UIMC1: variants seen among roughly 807,000 people sequenced by gnomAD.
UIMC1 encodes BRCA1-A complex subunit RAP80.
In UIMC1, 42 loss-of-function variants were observed where a neutral mutation model predicts 84.9. The ratio of observed to expected loss-of-function variants is 0.49; its 90% CI spans 0.39 to 0.64. UIMC1 has a LOEUF of 0.64. UIMC1 is among the 30% of genes least tolerant of loss of function. UIMC1 has a pLI of 0.00. For missense variants in UIMC1, 825 were observed against 847.6 expected, an observed-to-expected ratio of 0.97 and a Z score of 0.33; for synonymous variants, 281 against 293.0, an observed-to-expected ratio of 0.96 and a Z score of 0.42.
chr5:177,007,808 T>C (rs1317508942), upstream of UIMC1, among the ~76,000 whole-genome samples: 2 of 151,832 alleles, frequency 1.3e-5, no homozygotes, highest in African/African-American at 4.8e-5. Context: ...TGATTTCTAT[T>C]AAAAAGAAAG....
intron 1 of UIMC1, among the ~76,000 whole-genome samples, chr5:177,012,273 T>C (rs2149553982): frequency 6.6e-6 from 1 of 152,306 alleles, no homozygotes; most frequent in Admixed American, 6.5e-5. Flanking sequence ...AATCTGTATA[T>C]TTAACACATT....
intron 1 of UIMC1, among the ~76,000 whole-genome samples, chr5:177,011,925 C>A (rs986446638): frequency 6.6e-6 from 1 of 152,016 alleles, no homozygotes; most frequent in Admixed American, 6.6e-5. Flanking sequence ...CTCAGCCTCC[C>A]GAGTAGCTAG....
chr5:176,987,255 TA>T (rs1271646716), intron 1 of UIMC1, among the ~76,000 whole-genome samples: 1 of 152,072 alleles, frequency 6.6e-6, no homozygotes, highest in Non-Finnish European at 1.5e-5. Context: ...TCATCAAGGT[TA>T]TCTTGCCTTG....
chr5:176,929,512 A>C (rs1416322788), intron 10 of UIMC1, among the ~76,000 whole-genome samples: 1 of 152,098 alleles, frequency 6.6e-6, no homozygotes, highest in African/African-American at 2.4e-5. Flanking sequence ...GGTTGCAGTG[A>C]GCCGAAATCG....
chr5:176,991,095 C>A (rs931858838), intron 1 of UIMC1, among the ~76,000 whole-genome samples: 1 of 152,058 alleles, frequency 6.6e-6, no homozygotes, highest in Non-Finnish European at 1.5e-5. Flanking sequence ...GCAAGCTCTG[C>A]CTCCCAGGTT....
At chr5:176,972,212 A>C (rs1490121065) in intron 3 of UIMC1, among the ~76,000 whole-genome samples, 1 of 149,880 alleles carries the variant, frequency 6.7e-6, no homozygotes, top group Non-Finnish European at 1.5e-5. Flanking sequence ...CATCCTGGCT[A>C]ACACGGTGAA....
intron 1 of UIMC1, among the ~76,000 whole-genome samples, chr5:177,018,608 A>G (rs1197025139): frequency 6.6e-6 from 1 of 152,200 alleles, no homozygotes; most frequent in East Asian, 1.9e-4. Flanking sequence ...CAAGGAGGAA[A>G]TAAAAAGCCA....
intron 4 of UIMC1, 100 bp from the exon 5 acceptor site, chr5:176,969,806 C>T: frequency 1.1e-6 from 1 of 902,724 alleles, no homozygotes. Flanking sequence ...GTTCATAAGA[C>T]TTTCTCTTTC....
At chr5:176,970,216 G>A (rs752391821) in intron 4 of UIMC1, 1 of 165,934 alleles carries the variant, frequency 6.0e-6, no homozygotes, top group East Asian at 1.7e-4. Flanking sequence ...AGTTTGCAGT[G>A]AGCCAAGATT....
At chr5:176,915,644 T>TG (rs1760875492) in intron 10 of UIMC1, among the ~76,000 whole-genome samples, 1 of 151,328 alleles carries the variant, frequency 6.6e-6, no homozygotes. Context: ...TTAGTAGAGA[T>TG]GGGGTTTCAC....
Position 176,968,985 on chromosome 5 carries a change from C to T in UIMC1, c.770G>A (p.Cys257Tyr), listed in dbSNP as rs1561846721. 6.2e-7 allele frequency: 1 copy of T among 1,614,226 alleles called. No individual in the cohort carries two copies. Reference sequence around the variant, plus strand: ...TTTGGCATCTGCTAGGGTAGGTAGACAGTGCCTAGATGTGTCCCCGCTACC... The same window carrying T: ...TTTGGCATCTGCTAGGGTAGGTAGATAGTGCCTAGATGTGTCCCCGCTACC... ...VQGSGDTSRH[C>Y]LPTLADAKGL... Residue 257 changes from cysteine to tyrosine, a missense_variant, in exon 6 of 15, where the codon TGT (cysteine) becomes TAT (tyrosine). Physicochemically the swap from Cys to Tyr is radical, Grantham distance 194. Coordinates refer to ENST00000511320, the MANE Select transcript of UIMC1 (RefSeq NM_001199298.2).
intron 10 of UIMC1, among the ~76,000 whole-genome samples, chr5:176,932,429 T>C (rs529924816): frequency 1.1e-4 from 16 of 152,128 alleles, no homozygotes; most frequent in Non-Finnish European, 1.9e-4. Context: ...TGAATATAAA[T>C]AATTTCAAAC....
At chr5:176,961,926 C>CG (rs1490263252) in intron 6 of UIMC1, among the ~76,000 whole-genome samples, 1 of 60,112 alleles carries the variant, frequency 1.7e-5, no homozygotes, top group Non-Finnish European at 3.4e-5. Flanking sequence ...CCAGCCGCCC[C>CG]GTCCGGGAGG....
chr5:176,975,100 C>A (rs11956233), intron 3 of UIMC1, among the ~76,000 whole-genome samples: 1 of 151,842 alleles, frequency 6.6e-6, no homozygotes, highest in Non-Finnish European at 1.5e-5. Context: ...TCATACCATA[C>A]CCCTACACTT....
intron 3 of UIMC1, among the ~76,000 whole-genome samples, chr5:176,973,838 G>C (rs920003457): frequency 6.6e-6 from 1 of 152,104 alleles, no homozygotes; most frequent in Non-Finnish European, 1.5e-5. Context: ...AGGAGGCAGA[G>C]GTTGTAGTGA....
At chr5:176,916,674 T>G (rs181069735) in intron 10 of UIMC1, among the ~76,000 whole-genome samples, 228 of 152,362 alleles carry the variant, frequency 1.5e-3, no homozygotes, top group African/African-American at 5.3e-3. Context: ...TATTCACTAT[T>G]TGTTTATATA....
chr5:176,985,316 C>T (rs553589939), intron 1 of UIMC1, among the ~76,000 whole-genome samples: 13 of 151,902 alleles, frequency 8.6e-5, no homozygotes, highest in African/African-American at 2.9e-4. Flanking sequence ...ATTAGCCGGG[C>T]GTGGTAGCGC....
chr5:177,011,926 G>A (rs750870057), intron 1 of UIMC1, among the ~76,000 whole-genome samples: 3 of 151,660 alleles, frequency 2.0e-5, no homozygotes, highest in Non-Finnish European at 4.4e-5. Context: ...TCAGCCTCCC[G>A]AGTAGCTAGG....
intron 2 of UIMC1, among the ~76,000 whole-genome samples, chr5:176,978,560 C>G (rs1159960151): frequency 2.0e-5 from 3 of 151,558 alleles, no homozygotes; most frequent in African/African-American, 4.8e-5. Context: ...AAGGCCATAG[C>G]GCCCCCCAAA....
Sources: gnomAD v4.1 joint callset for allele counts (sites outside exome capture counted in the v4.1 genomes callset) on GRCh38, gnomAD v4.1.1 for gene constraint, MANE v1.5 for transcripts, NCBI Gene and HGNC (gene_info 2026-07-23, HGNC 2026-07-21) for gene names.